The following ZBTB20 variants were observed in gnomAD, a reference collection of about 807,000 sequenced individuals.
The protein encoded by ZBTB20 is zinc finger and BTB domain containing 20.
Under a neutral mutation model 56.9 loss-of-function variants are expected in ZBTB20, and 9 were observed. The observed-to-expected ratio is 0.16, with a 90% CI of 0.10 to 0.28. The LOEUF (loss-of-function observed/expected upper bound fraction) is 0.28. Ranked by LOEUF, ZBTB20 falls within the 10% of genes least tolerant of loss-of-function variation. The probability of loss-of-function intolerance (pLI) is 1.00; values close to 1 mark genes in which losing one functional copy is unlikely to be tolerated. For missense variants in ZBTB20, 655 were observed against 1,003.0 expected (o/e 0.65, Z 4.69); for synonymous variants, 417 against 420.7 (o/e 0.99, Z 0.11).
intron 3 of ZBTB20, among the ~76,000 whole-genome samples, chr3:114,910,598 CTAAG>C (rs1286853062): frequency 2.0e-5 from 3 of 152,046 alleles, no homozygotes; most frequent in East Asian, 1.9e-4. Flanking sequence ...TTAGCTACTA[CTAAG>C]TGTTTGATAA....
intron 5 of ZBTB20, among the ~76,000 whole-genome samples, chr3:114,713,763 T>C (rs1051180766): frequency 6.6e-6 from 1 of 152,200 alleles, no homozygotes. Flanking sequence ...TTTTATGTCT[T>C]TTAAATTTAA....
chr3:114,828,048 A>G lies in ZBTB20; in HGVS notation c.-416-26874T>C, dbSNP rs1476307395. Among the ~76,000 whole-genome samples the G allele has an allele frequency of 2.0e-5, 3 of 151,776 alleles. No individual in the cohort carries two copies. In the South Asian group the frequency reaches 6.2e-4, roughly 31 times the overall value. On this transcript the variant is annotated intron_variant, in intron 4 of 11. Transcript: ENST00000675478. ...TAAGATTAAATGGGGATTAACTGAT[A>G]AATCTATTTTTGCAAATATATGTTT...
chr3:114,776,327 A>C (rs1455868545), intron 5 of ZBTB20, among the ~76,000 whole-genome samples: 1 of 152,034 alleles, frequency 6.6e-6, no homozygotes, highest in Non-Finnish European at 1.5e-5. Context: ...CTTATCCTGG[A>C]TTATCTAGAT....
intron 6 of ZBTB20, among the ~76,000 whole-genome samples, chr3:114,589,315 T>C (rs2055503658): frequency 6.6e-6 from 1 of 152,172 alleles, no homozygotes; most frequent in Admixed American, 6.5e-5. Flanking sequence ...GTTTAGATTG[T>C]CCTGCCTTGT....
intron 6 of ZBTB20, among the ~76,000 whole-genome samples, chr3:114,607,494 C>T (rs1055635803): frequency 1.3e-5 from 2 of 151,750 alleles, no homozygotes; most frequent in African/African-American, 4.8e-5. Flanking sequence ...GTAGAGACAG[C>T]GTTTCTCCAT....
intron 7 of ZBTB20, among the ~76,000 whole-genome samples, chr3:114,428,517 G>A (rs1391910219): frequency 6.6e-6 from 1 of 152,142 alleles, no homozygotes; most frequent in Non-Finnish European, 1.5e-5. Context: ...TTGGTAGGTG[G>A]GGGGAATGAC....
chr3:114,512,239 A>T (rs2045488797), intron 6 of ZBTB20, among the ~76,000 whole-genome samples: 1 of 152,200 alleles, frequency 6.6e-6, no homozygotes, highest in African/African-American at 2.4e-5. Flanking sequence ...GTTAAATATC[A>T]ACTCTTTCAT....
chr3:114,534,096 C>T (rs1003075613), intron 6 of ZBTB20, among the ~76,000 whole-genome samples: 1 of 152,146 alleles, frequency 6.6e-6, no homozygotes, highest in Non-Finnish European at 1.5e-5. Flanking sequence ...GGCAACATTA[C>T]CAGCTAGCAT....
At chr3:114,694,458 C>G (rs977372205) in intron 5 of ZBTB20, among the ~76,000 whole-genome samples, 1 of 151,938 alleles carries the variant, frequency 6.6e-6, no homozygotes, top group African/African-American at 2.4e-5. Flanking sequence ...TTGAAAATGG[C>G]CAGCATGATT....
intron 3 of ZBTB20, among the ~76,000 whole-genome samples, chr3:114,952,346 A>G (rs1191783123): frequency 6.6e-6 from 1 of 152,046 alleles, no homozygotes; most frequent in Non-Finnish European, 1.5e-5. Flanking sequence ...GATGCCTTCC[A>G]TCATGAGATC....
intron 6 of ZBTB20, among the ~76,000 whole-genome samples, chr3:114,571,345 A>G (rs959726596): frequency 6.6e-6 from 1 of 152,182 alleles, no homozygotes; most frequent in Non-Finnish European, 1.5e-5. Context: ...TTATTGGGGG[A>G]AAACTATTGT....
At chr3:114,446,447 G>T (rs187232214) in intron 7 of ZBTB20, among the ~76,000 whole-genome samples, 94 of 152,200 alleles carry the variant, frequency 6.2e-4, no homozygotes, top group African/African-American at 2.0e-3. Flanking sequence ...GAGAAGTTTT[G>T]CACTGCTTAA....
intron 5 of ZBTB20, among the ~76,000 whole-genome samples, chr3:114,762,574 A>AT (rs1240217589): frequency 6.6e-6 from 1 of 152,120 alleles, no homozygotes; most frequent in African/African-American, 2.4e-5. Flanking sequence ...AAAGTTTCTG[A>AT]TTTGGGATAA....
At chr3:114,553,562 G>C (rs1404923595) in intron 6 of ZBTB20, among the ~76,000 whole-genome samples, 3 of 152,086 alleles carry the variant, frequency 2.0e-5, no homozygotes, top group Non-Finnish European at 4.4e-5. Flanking sequence ...GCCAGGTCCA[G>C]TTTATATTAG....
At chr3:114,958,822 G>A (rs1490764954) in intron 3 of ZBTB20, among the ~76,000 whole-genome samples, 1 of 150,620 alleles carries the variant, frequency 6.6e-6, no homozygotes, top group Non-Finnish European at 1.5e-5. Context: ...CTGCACTCCA[G>A]CCTGGCCAAT....
intron 5 of ZBTB20, among the ~76,000 whole-genome samples, chr3:114,698,831 A>T (rs2063217946): frequency 6.6e-6 from 1 of 152,128 alleles, no homozygotes; most frequent in South Asian, 2.1e-4. Context: ...TGCTTTAATG[A>T]CCCATGGTGG....
chr3:115,135,240 A>G (rs1237564812), intron 1 of ZBTB20, among the ~76,000 whole-genome samples: 1 of 152,214 alleles, frequency 6.6e-6, no homozygotes, highest in African/African-American at 2.4e-5. Flanking sequence ...TGCTTCAGAA[A>G]GCCAGGCAGC....
intron 2 of ZBTB20, among the ~76,000 whole-genome samples, chr3:115,025,690 C>T (rs1267918591): frequency 2.7e-5 from 4 of 150,384 alleles, no homozygotes; most frequent in Non-Finnish European, 6.0e-5. Context: ...GGATTCCTCC[C>T]CTGTAAAATG....
chr3:114,792,437 G>A (rs1444850814), intron 5 of ZBTB20, among the ~76,000 whole-genome samples: 1 of 152,130 alleles, frequency 6.6e-6, no homozygotes, highest in Non-Finnish European at 1.5e-5. Context: ...CTTTCACACA[G>A]ATAATCTCAG....
Sources: allele counts gnomAD v4.1 joint callset (sites outside exome capture counted in the v4.1 genomes callset), GRCh38; gene constraint gnomAD v4.1.1; transcripts MANE v1.5; gene names NCBI Gene and HGNC (gene_info 2026-07-23, HGNC 2026-07-21).